The following KIAA0319L variants were observed in gnomAD, a reference collection of about 807,000 sequenced individuals.
KIAA0319L encodes the protein dyslexia-associated protein KIAA0319-like protein.
A neutral mutation model predicts 120.1 loss-of-function variants in KIAA0319L; 55 were observed. The ratio of observed to expected loss-of-function variants is 0.46; its 90% CI spans 0.37 to 0.57. The LOEUF is 0.57. Among genes scored for constraint, KIAA0319L ranks in the 20% least tolerant of loss-of-function variants. The probability of loss-of-function intolerance (pLI) is 0.00; values close to 1 mark genes in which losing one functional copy is unlikely to be tolerated. For missense variants in KIAA0319L, 1,049 were observed against 1,255.3 expected, an observed-to-expected ratio of 0.84 and a Z score of 2.48; for synonymous variants, 398 against 471.9, an observed-to-expected ratio of 0.84 and a Z score of 2.03.
chr1:35,448,048 C>T (rs773997233), intron 16 of KIAA0319L, 125 bp downstream of exon 16: 3 of 904,200 alleles, frequency 3.3e-6, no homozygotes, highest in Non-Finnish European at 5.1e-6. Flanking sequence ...GAAGAAAAGG[C>T]AACATGAGTG....
At chr1:35,538,484 G>A (rs1571000714) in intron 2 of KIAA0319L, among the ~76,000 whole-genome samples, 1 of 151,446 alleles carries the variant, frequency 6.6e-6, no homozygotes, top group African/African-American at 2.4e-5. Context: ...CCAGCTACTC[G>A]GGAGGCTGAG....
At chr1:35,540,296 C>A (rs1646739878) in intron 2 of KIAA0319L, among the ~76,000 whole-genome samples, 4 of 152,164 alleles carry the variant, frequency 2.6e-5, no homozygotes, top group African/African-American at 7.2e-5. Context: ...TTTATAGTTT[C>A]CTTTTGTGAT....
In KIAA0319L at chr1:35,493,367, C is replaced by T. The variant is rs866527331; in HGVS notation, c.666+13245G>A. 5.9e-5 allele frequency among the ~76,000 whole-genome samples: 9 copies of T among 151,686 alleles called. No homozygotes were observed. In the South Asian group the frequency reaches 6.3e-4, roughly 11 times the overall value. ...CACTAAACATTTTTTTAATGAAATACGGATCTGACAAAAGATGTGCAAGAT... is the reference window on the plus strand; with the variant it reads ...CACTAAACATTTTTTTAATGAAATATGGATCTGACAAAAGATGTGCAAGAT... On this transcript the variant is annotated intron_variant, in intron 3 of 20. Transcript: ENST00000325722.
In KIAA0319L at chr1:35,448,240, C is replaced by T. The variant is rs1334583134; in HGVS notation, c.2446G>A (p.Gly816Arg). 5 of 1,613,994 alleles carry T rather than the reference C, an allele frequency of 3.1e-6. No homozygotes were observed. The highest frequency in any genetic ancestry group is 4.2e-6 in the Non-Finnish European group (5 of 1,180,004). ...RLKGMFIRQI[G>R]VLLGVLDSDI... ...GAATCCAGCACCCCCAGGAGGACCCCAATCTGGCGGATGAACATCCCCTTC... is the reference window on the plus strand; with the variant it reads ...GAATCCAGCACCCCCAGGAGGACCCTAATCTGGCGGATGAACATCCCCTTC... The change falls in exon 16 of 21, where the codon GGG becomes AGG. Residue 816 changes from glycine to arginine, a missense_variant. Coordinates refer to ENST00000325722, the MANE Select transcript of KIAA0319L (RefSeq NM_024874.5).
chr1:35,443,638 A>T (rs530379337), intron 17 of KIAA0319L, among the ~76,000 whole-genome samples: 83 of 152,242 alleles, frequency 5.5e-4, no homozygotes, highest in African/African-American at 1.9e-3. Context: ...ACACCACTGC[A>T]CTGCAGCCTG....
At chr1:35,488,886 A>G (rs1490480528) in intron 3 of KIAA0319L, among the ~76,000 whole-genome samples, 1 of 152,226 alleles carries the variant, frequency 6.6e-6, no homozygotes. Flanking sequence ...CACATGGCTG[A>G]GGATTAGATG....
chr1:35,503,962 T>C (rs1228078177), intron 3 of KIAA0319L, among the ~76,000 whole-genome samples: 3 of 150,916 alleles, frequency 2.0e-5, no homozygotes, highest in African/African-American at 7.3e-5. Flanking sequence ...CTCGGCTCAC[T>C]GCAACTTCCA....
At chr1:35,457,216 T>A (rs1570666892) in intron 9 of KIAA0319L, among the ~76,000 whole-genome samples, 1 of 152,238 alleles carries the variant, frequency 6.6e-6, no homozygotes, top group African/African-American at 2.4e-5. Flanking sequence ...GCAAGCATAG[T>A]TCTCTGATTC....
chr1:35,554,119 A>G (rs936339773), intron 2 of KIAA0319L, among the ~76,000 whole-genome samples: 5 of 152,228 alleles, frequency 3.3e-5, no homozygotes, highest in East Asian at 1.9e-4. Context: ...TCAAGTCTTA[A>G]AACGGTTGTG....
In KIAA0319L at chr1:35,470,962, T is replaced by C; in HGVS notation, c.1016-2A>G. 6.4e-7 allele frequency: 1 copy of C among 1,568,162 alleles called. No individual in the cohort carries two copies. The highest frequency in any genetic ancestry group is 1.1e-5 in the South Asian group (1 of 90,158). On this transcript the variant is annotated splice_acceptor_variant, in intron 5 of 20. Transcript: ENST00000325722. LOFTEE classifies it high-confidence loss of function. Reference sequence around the variant, plus strand: ...GCCAGTCGTAGGTGTAGGTTTCTCCTATAGAAGGGCAGTTACAAAAATCAT... The same window carrying C: ...GCCAGTCGTAGGTGTAGGTTTCTCCCATAGAAGGGCAGTTACAAAAATCAT...
At chr1:35,548,574 C>G (rs538233921) in intron 2 of KIAA0319L, among the ~76,000 whole-genome samples, 8 of 152,016 alleles carry the variant, frequency 5.3e-5, no homozygotes, top group Admixed American at 2.0e-4. Flanking sequence ...GCATCTCTTA[C>G]ACATATATAA....
intron 20 of KIAA0319L, among the ~76,000 whole-genome samples, chr1:35,435,874 G>A (rs1558243798): frequency 6.6e-6 from 1 of 152,144 alleles, no homozygotes; most frequent in Non-Finnish European, 1.5e-5. Flanking sequence ...CCTCTGGCTG[G>A]TGCAAAAACT....
intron 15 of KIAA0319L, 39 bp from the exon 16 acceptor site, chr1:35,448,371 G>C: frequency 6.3e-7 from 1 of 1,593,008 alleles, no homozygotes; most frequent in Non-Finnish European, 8.6e-7. Context: ...TTAGAAGTAG[G>C]AGAGTAAACA....
intron 6 of KIAA0319L, among the ~76,000 whole-genome samples, chr1:35,467,540 G>T (rs530099700): frequency 6.6e-6 from 1 of 152,214 alleles, no homozygotes; most frequent in Admixed American, 6.5e-5. Context: ...TTGTAGTTTG[G>T]ATACGAATAA....
At chr1:35,516,445 A>G (rs1178263237) in intron 2 of KIAA0319L, among the ~76,000 whole-genome samples, 1 of 152,218 alleles carries the variant, frequency 6.6e-6, no homozygotes, top group East Asian at 1.9e-4. Flanking sequence ...ACTAAAGACA[A>G]AAACCACAGG....
At chr1:35,492,196 A>G (rs561728592) in intron 3 of KIAA0319L, among the ~76,000 whole-genome samples, 3 of 152,310 alleles carry the variant, frequency 2.0e-5, no homozygotes, top group Admixed American at 6.5e-5. Context: ...AATTTGATAA[A>G]TCAAATATAA....
At chr1:35,470,279 G>A (rs1643535038) in intron 6 of KIAA0319L, among the ~76,000 whole-genome samples, 1 of 152,006 alleles carries the variant, frequency 6.6e-6, no homozygotes, top group South Asian at 2.1e-4. Context: ...GACTGCTTGA[G>A]ACCAGGTGTT....
At chr1:35,436,851 C>T (rs1271122093) in intron 20 of KIAA0319L, among the ~76,000 whole-genome samples, 5 of 152,184 alleles carry the variant, frequency 3.3e-5, no homozygotes, top group Non-Finnish European at 7.4e-5. Context: ...CACACACATC[C>T]TCTTTCCCCC....
At chr1:35,436,352 C>T (rs896046036) in intron 20 of KIAA0319L, among the ~76,000 whole-genome samples, 3 of 152,204 alleles carry the variant, frequency 2.0e-5, no homozygotes, top group African/African-American at 7.2e-5. Flanking sequence ...CTTCCTCACC[C>T]GCGTTGGTGT....
Sources: gnomAD v4.1 joint callset for allele counts (sites outside exome capture counted in the v4.1 genomes callset) on GRCh38, gnomAD v4.1.1 for gene constraint, MANE v1.5 for transcripts, NCBI Gene and HGNC (gene_info 2026-07-23, HGNC 2026-07-21) for gene names.